ALPK2: variants seen among roughly 807,000 people sequenced by gnomAD.
ALPK2 encodes the protein alpha-protein kinase 2.
In ALPK2, 127 loss-of-function variants were observed where a neutral mutation model predicts 163.1. The observed-to-expected ratio is 0.78, with a 90% CI of 0.67 to 0.90. The LOEUF (loss-of-function observed/expected upper bound fraction) is 0.90. Among genes scored for constraint, ALPK2 ranks in the 40% least tolerant of loss-of-function variants. ALPK2 has a pLI of 0.00. For missense variants in ALPK2, 2,360 were observed against 2,589.6 expected, an observed-to-expected ratio of 0.91 and a Z score of 1.92; for synonymous variants, 953 against 959.1, an observed-to-expected ratio of 0.99 and a Z score of 0.12.
intron 12 of ALPK2, among the ~76,000 whole-genome samples, chr18:58,485,050 A>G (rs1373098669): frequency 6.6e-6 from 1 of 152,204 alleles, no homozygotes; most frequent in East Asian, 1.9e-4. Context: ...CTCTTTGTTC[A>G]AAAAGTAGTA....
chr18:58,561,769 C>T (rs1354785502), intron 4 of ALPK2, among the ~76,000 whole-genome samples: 3 of 152,194 alleles, frequency 2.0e-5, no homozygotes, highest in African/African-American at 7.2e-5. Flanking sequence ...CTTCCAGATC[C>T]ACTTTCTGGT....
intron 8 of ALPK2, among the ~76,000 whole-genome samples, chr18:58,521,330 C>A (rs540460391): frequency 8.9e-4 from 135 of 152,308 alleles, no homozygotes; most frequent in African/African-American, 3.2e-3. Context: ...TAACAAGTGT[C>A]TGAGATGTGA....
intron 8 of ALPK2, among the ~76,000 whole-genome samples, chr18:58,517,550 A>G (rs778704776): frequency 4.6e-5 from 7 of 152,144 alleles, no homozygotes; most frequent in Non-Finnish European, 1.0e-4. Flanking sequence ...CAATGATAAG[A>G]TCTGATAATA....
chr18:58,504,608 T>C (rs1021600332), intron 10 of ALPK2, among the ~76,000 whole-genome samples: 12 of 152,212 alleles, frequency 7.9e-5, no homozygotes, highest in Non-Finnish European at 2.9e-5. Flanking sequence ...TCAGATACTC[T>C]TCCAGATGCT....
intron 4 of ALPK2, among the ~76,000 whole-genome samples, chr18:58,575,860 G>A (rs1486784183): frequency 2.0e-5 from 3 of 152,226 alleles, no homozygotes; most frequent in Non-Finnish European, 4.4e-5. Flanking sequence ...CATTCTAAAA[G>A]AGAGAAAGGG....
At chr18:58,583,849 C>T (rs749020378) in intron 3 of ALPK2, among the ~76,000 whole-genome samples, 4 of 151,946 alleles carry the variant, frequency 2.6e-5, no homozygotes, top group African/African-American at 2.4e-5. Flanking sequence ...CTATCCAGTC[C>T]ATGAGCCCTC....
intron 12 of ALPK2, among the ~76,000 whole-genome samples, chr18:58,486,419 A>C (rs2051339181): frequency 6.6e-6 from 1 of 152,164 alleles, no homozygotes; most frequent in Non-Finnish European, 1.5e-5. Flanking sequence ...TCTCAGAGTT[A>C]GGGGTGTATG....
At chr18:58,510,269 G>A (rs2051483452) in intron 10 of ALPK2, among the ~76,000 whole-genome samples, 2 of 152,206 alleles carry the variant, frequency 1.3e-5, no homozygotes, top group Admixed American at 6.5e-5. Context: ...CCAGTACCAT[G>A]CTGTTTTGAT....
intron 10 of ALPK2, among the ~76,000 whole-genome samples, chr18:58,507,998 G>A (rs2051470147): frequency 6.6e-6 from 1 of 152,118 alleles, no homozygotes; most frequent in African/African-American, 2.4e-5. Flanking sequence ...CATTACTAGT[G>A]TAAATCCTAA....
At chr18:58,503,869 A>C in intron 11 of ALPK2, 62 bp downstream of exon 11, 1 of 1,491,972 alleles carries the variant, frequency 6.7e-7, no homozygotes, top group Non-Finnish European at 9.2e-7. Context: ...CTCCCTCTCC[A>C]CCCACAGGAA....
chr18:58,578,740 A>ACACGCGCGCACGCGCGTG, intron 4 of ALPK2, 74 bp downstream of exon 4: 1 of 1,118,814 alleles, frequency 8.9e-7, no homozygotes, highest in Non-Finnish European at 1.3e-6. Context: ...AGAGACACAC[A>ACACGCGCGCACGCGCGTG]CACACACACA....
intron 6 of ALPK2, among the ~76,000 whole-genome samples, chr18:58,525,610 C>T (rs1273542206): frequency 6.6e-6 from 1 of 152,164 alleles, no homozygotes; most frequent in African/African-American, 2.4e-5. Context: ...AGAAGGAATA[C>T]ATGTAGGAGT....
chr18:58,549,648 A>T, intron 4 of ALPK2, among the ~76,000 whole-genome samples: 1 of 152,202 alleles, frequency 6.6e-6, no homozygotes. Flanking sequence ...TGTCTCTGAA[A>T]CCGATCCTGT....
rs537506348 is a variant in ALPK2, at chr18:58,530,953, C to T, written c.5354-1715G>A. Among the ~76,000 whole-genome samples, 23 of 152,246 alleles carry T rather than the reference C, an allele frequency of 1.5e-4. No homozygotes were observed. The East Asian group carries it at 3.1e-3, about 20-fold the overall frequency. ...TGGTGGTTCACACCTGTAATCCCAG[C>T]ACTTTTGGAGGCCGAGGCAGGAGGG... On this transcript the variant is annotated intron_variant, in intron 5 of 12. Coordinates refer to ENST00000361673, the MANE Select transcript of ALPK2 (RefSeq NM_052947.4).
intron 12 of ALPK2, among the ~76,000 whole-genome samples, chr18:58,483,448 C>T (rs1196360148): frequency 6.6e-6 from 1 of 152,184 alleles, no homozygotes; most frequent in East Asian, 1.9e-4. Flanking sequence ...GTCCAAGCTC[C>T]CTCCTCCCAA....
At chr18:58,587,306 A>G (rs1179232817) in intron 3 of ALPK2, among the ~76,000 whole-genome samples, 1 of 152,234 alleles carries the variant, frequency 6.6e-6, no homozygotes, top group Non-Finnish European at 1.5e-5. Context: ...ATGTGGGAGA[A>G]TCTCATTTCC....
intron 4 of ALPK2, chr18:58,545,276 G>A (rs1602210843): frequency 6.6e-6 from 1 of 151,434 alleles, no homozygotes; most frequent in Admixed American, 6.6e-5. Flanking sequence ...TGACTATTCT[G>A]TTAACTGCAG....
At chr18:58,622,537 T>C (rs1403139958) in intron 1 of ALPK2, among the ~76,000 whole-genome samples, 1 of 152,126 alleles carries the variant, frequency 6.6e-6, no homozygotes, top group Non-Finnish European at 1.5e-5. Context: ...AAAGGATACA[T>C]CCTCTTGCCT....
chr18:58,509,839 G>T (rs79736546), intron 10 of ALPK2, among the ~76,000 whole-genome samples: 1 of 147,940 alleles, frequency 6.8e-6, no homozygotes. Flanking sequence ...TAGGTTGCCT[G>T]TTCACTCTGA....
Sources: allele counts gnomAD v4.1 joint callset (sites outside exome capture counted in the v4.1 genomes callset), GRCh38; gene constraint gnomAD v4.1.1; transcripts MANE v1.5; gene names NCBI Gene and HGNC (gene_info 2026-07-23, HGNC 2026-07-21).